COG5: variants seen among roughly 807,000 people sequenced by gnomAD.
The protein encoded by COG5 is component of oligomeric golgi complex 5, also known as conserved oligomeric Golgi complex subunit 5.
In COG5, 86 loss-of-function variants were observed where a neutral mutation model predicts 110.4. The observed-to-expected ratio is 0.78, with a 90% CI of 0.65 to 0.93. The LOEUF (loss-of-function observed/expected upper bound fraction) is 0.93, where lower values mean the gene tolerates loss of function less well. Ranked by LOEUF, COG5 falls within the 40% of genes least tolerant of loss-of-function variation. The pLI is 0.00. For missense variants in COG5, 1,077 were observed against 987.0 expected, an observed-to-expected ratio of 1.09 and a Z score of -1.22; for synonymous variants, 360 against 334.6, an observed-to-expected ratio of 1.08 and a Z score of -0.83.
chr7:107,360,079 CTA>C (rs573784684), intron 10 of COG5, among the ~76,000 whole-genome samples: 130 of 152,168 alleles, frequency 8.5e-4, no homozygotes, highest in Non-Finnish European at 1.1e-3. Context: ...GCTAACCACT[CTA>C]GGTCTCCTCT....
chr7:107,352,023 G>A (rs1183709814), intron 10 of COG5, among the ~76,000 whole-genome samples: 6 of 145,354 alleles, frequency 4.1e-5, no homozygotes, highest in African/African-American at 7.4e-5. Flanking sequence ...TGTTTATTGC[G>A]GCACTATTCA....
intron 8 of COG5, among the ~76,000 whole-genome samples, chr7:107,366,483 A>G (rs1245333274): frequency 6.6e-6 from 1 of 152,166 alleles, no homozygotes; most frequent in Non-Finnish European, 1.5e-5. Flanking sequence ...AAACTTTTCT[A>G]TAAAAGGGAA....
chr7:107,499,674 C>T (rs1307973189), intron 6 of COG5, among the ~76,000 whole-genome samples: 1 of 152,008 alleles, frequency 6.6e-6, no homozygotes, highest in Non-Finnish European at 1.5e-5. Flanking sequence ...TCCCTAAGTG[C>T]TAGGAGGTGT....
intron 7 of COG5, among the ~76,000 whole-genome samples, chr7:107,403,583 C>T (rs938296133): frequency 2.6e-5 from 4 of 151,876 alleles, no homozygotes; most frequent in Non-Finnish European, 5.9e-5. Context: ...GTTCCCTTCC[C>T]TGACAACGGA....
At chr7:107,280,874 A>G (rs190670735) in intron 14 of COG5, among the ~76,000 whole-genome samples, 1 of 152,160 alleles carries the variant, frequency 6.6e-6, no homozygotes, top group African/African-American at 2.4e-5. Context: ...ACTTCCTCCA[A>G]CAGTTTTCTA....
chr7:107,204,663 T>C (rs1282823781), intron 21 of COG5, among the ~76,000 whole-genome samples: 4 of 152,204 alleles, frequency 2.6e-5, no homozygotes, highest in Admixed American at 6.5e-5. Context: ...TTGTTCAAGA[T>C]TTTTCATTGA....
chr7:107,496,657 C>CAAAAA (rs1010946735), intron 6 of COG5, among the ~76,000 whole-genome samples: 5 of 90,670 alleles, frequency 5.5e-5, no homozygotes, highest in Admixed American at 1.1e-4. Context: ...GACTCTGTCT[C>CAAAAA]AAAAAAAAAA....
chr7:107,246,222 G>A (rs1802044783), intron 17 of COG5, among the ~76,000 whole-genome samples: 1 of 152,174 alleles, frequency 6.6e-6, no homozygotes, highest in Admixed American at 6.5e-5. Flanking sequence ...ACTCAAGATG[G>A]ATTAAATACT....
intron 6 of COG5, among the ~76,000 whole-genome samples, chr7:107,421,519 A>G (rs201777595): frequency 7.9e-5 from 12 of 152,198 alleles, no homozygotes; most frequent in Non-Finnish European, 1.8e-4. Flanking sequence ...GGCTGGGCAC[A>G]GTGGCTCATG....
chr7:107,457,735 T>C (rs1795754323), intron 6 of COG5, among the ~76,000 whole-genome samples: 3 of 152,076 alleles, frequency 2.0e-5, no homozygotes, highest in Non-Finnish European at 1.5e-5. Flanking sequence ...CGGCCTAAAA[T>C]AGGAGTTTTT....
At chr7:107,375,419 T>C (rs936001024) in intron 7 of COG5, among the ~76,000 whole-genome samples, 6 of 152,060 alleles carry the variant, frequency 3.9e-5, no homozygotes, top group African/African-American at 1.2e-4. Flanking sequence ...CACTTAGAGT[T>C]TGTAGATACT....
chr7:107,456,736 G>A (rs2129097579), intron 6 of COG5, among the ~76,000 whole-genome samples: 1 of 152,270 alleles, frequency 6.6e-6, no homozygotes, highest in South Asian at 2.1e-4. Flanking sequence ...GCCAGGCAAA[G>A]AACCACTACC....
At chr7:107,294,789 C>T (rs1806471886) in intron 12 of COG5, among the ~76,000 whole-genome samples, 1 of 139,956 alleles carries the variant, frequency 7.1e-6, no homozygotes, top group South Asian at 2.3e-4. Flanking sequence ...GATCTCAGCT[C>T]ACTGCAATCT....
intron 14 of COG5, among the ~76,000 whole-genome samples, chr7:107,281,086 C>T (rs1382587581): frequency 6.6e-6 from 1 of 151,900 alleles, no homozygotes; most frequent in Non-Finnish European, 1.5e-5. Flanking sequence ...ACTTGCTTGT[C>T]TTCTGAAAGT....
intron 6 of COG5, among the ~76,000 whole-genome samples, chr7:107,514,155 G>A (rs529139265): frequency 2.0e-5 from 3 of 151,792 alleles, no homozygotes; most frequent in Non-Finnish European, 4.4e-5. Context: ...GACCATAAGC[G>A]ATTAAAATTA....
intron 14 of COG5, among the ~76,000 whole-genome samples, chr7:107,265,281 TTTTTA>T (rs1220728039): frequency 2.6e-5 from 4 of 152,140 alleles, no homozygotes; most frequent in African/African-American, 9.7e-5. Context: ...AAATAATTAA[TTTTTA>T]TTTTATTTTT....
intron 21 of COG5, chr7:107,209,781 G>T: frequency 1.0e-6 from 1 of 976,302 alleles, no homozygotes; most frequent in Non-Finnish European, 1.2e-6. Context: ...TGTGAGCTCA[G>T]CATCAATAAA....
intron 12 of COG5, among the ~76,000 whole-genome samples, chr7:107,288,568 T>C (rs1389229369): frequency 1.3e-5 from 2 of 152,252 alleles, no homozygotes; most frequent in East Asian, 3.9e-4. Flanking sequence ...TTCCTGATCA[T>C]CTTTTTCATG....
At chr7:107,475,106 G>A in intron 6 of COG5, 1 of 1,612,428 alleles carries the variant, frequency 6.2e-7, no homozygotes, top group Non-Finnish European at 8.5e-7. Context: ...GTAAAATTAA[G>A]ATTGTGTTTT....
Sources: gnomAD v4.1 joint callset for allele counts (sites outside exome capture counted in the v4.1 genomes callset) on GRCh38, gnomAD v4.1.1 for gene constraint, MANE v1.5 for transcripts, NCBI Gene and HGNC (gene_info 2026-07-23, HGNC 2026-07-21) for gene names.